The following CASZ1 variants were observed in gnomAD, a reference collection of about 807,000 sequenced individuals.
The protein encoded by CASZ1 is zinc finger protein castor homolog 1.
A neutral mutation model predicts 135.2 loss-of-function variants in CASZ1; 28 were observed. That is an observed-to-expected ratio of 0.21 (90% CI 0.15 to 0.28). The LOEUF (loss-of-function observed/expected upper bound fraction) is 0.28, where lower values mean the gene tolerates loss of function less well. Among genes scored for constraint, CASZ1 ranks in the 10% least tolerant of loss-of-function variants. The pLI is 1.00. For missense variants in CASZ1, 2,161 were observed against 2,453.3 expected, an observed-to-expected ratio of 0.88 and a Z score of 2.52; for synonymous variants, 1,068 against 1,073.4, an observed-to-expected ratio of 0.99 and a Z score of 0.10.
intron 4 of CASZ1, among the ~76,000 whole-genome samples, chr1:10,686,424 C>T (rs930622825): frequency 1.3e-5 from 2 of 152,216 alleles, no homozygotes; most frequent in African/African-American, 4.8e-5. Flanking sequence ...GCTTGTATCA[C>T]GCCCCCTCTC....
chr1:10,653,860 T>G lies in CASZ1; in HGVS notation c.2197A>C (p.Ser733Arg), dbSNP rs1165308565. 2 of 1,610,908 alleles carry G rather than the reference T, an allele frequency of 1.2e-6. No individual in the cohort carries two copies. Among genetic ancestry groups the G allele is most frequent in the South Asian group, 2.2e-5 (2 of 90,934 alleles). ...DDLVDFSALS[S>R]KNSSLSASPT... is the part of the protein sequence containing the mutation. ...GAGGCGCTCAGGCTGGAGTTCTTGC[T>G]GCTCAGGGCGGAGAAGTCAACAAGG... Residue 733 changes from serine (S) to arginine (R), a missense_variant, in exon 11 of 21, where the codon AGC becomes CGC. Physicochemically the swap from Ser to Arg is moderately radical, Grantham distance 110 (BLOSUM62 -1). Around this residue, in one of 7 missense-constraint regions of CASZ1, gnomAD observed 406 missense variants for 387.6 expected, o/e 1.05. Transcript: ENST00000377022.
intron 2 of CASZ1, among the ~76,000 whole-genome samples, chr1:10,715,197 T>C (rs1639355161): frequency 1.3e-5 from 2 of 152,202 alleles, no homozygotes; most frequent in African/African-American, 2.4e-5. Context: ...ACCTCCATCC[T>C]GTTTGAGGGG....
Position 10,666,154 on chromosome 1 carries a change from C to A in CASZ1, c.17-583G>T, listed in dbSNP as rs1245227309. Among the ~76,000 whole-genome samples, 1 of 152,188 alleles carries A rather than the reference C, an allele frequency of 6.6e-6. No individual in the cohort carries two copies. The highest frequency in any genetic ancestry group is 2.4e-5 in the African/African-American group (1 of 41,452). Reference sequence around the variant, plus strand: ...TGGCTGGCACCCTCCCACCCGAGCACGTCAGCCCCTGGCGGCTCCTCTGCC... The same window carrying A: ...TGGCTGGCACCCTCCCACCCGAGCAAGTCAGCCCCTGGCGGCTCCTCTGCC... On this transcript the variant is annotated intron_variant, in intron 4 of 20. Transcript: ENST00000377022. The surrounding 1 kb of genome is among the most constrained non-coding windows in gnomAD (Gnocchi z 5.2).
At chr1:10,732,003 T>A (rs900424557) in intron 2 of CASZ1, among the ~76,000 whole-genome samples, 1 of 152,170 alleles carries the variant, frequency 6.6e-6, no homozygotes, top group Non-Finnish European at 1.5e-5. Context: ...TCAGTTTTAA[T>A]GTCTTAATAT....
Position 10,647,958 on chromosome 1 carries a change from G to A in CASZ1, c.3340C>T (p.Pro1114Ser). Residue 1114 changes from proline (P) to serine (S), a missense_variant, in exon 16 of 21, where the codon CCC becomes TCC. Pro to Ser is a moderately conservative substitution (Grantham distance 74). Coordinates refer to ENST00000377022, the MANE Select transcript of CASZ1 (RefSeq NM_001079843.3). The surrounding 1 kb of genome is among the most constrained non-coding windows in gnomAD (Gnocchi z 4.9). ...APSPASVPST[P>S]TLLAWKQLAS... is the part of the protein sequence containing the mutation. ...AGCTGCTTCCAGGCGAGCAGGGTGG[G>A]GGTGGAGGGCACGGAGGCCGGGCTG... is the stretch of plus-strand genomic sequence containing the variant. 1.2e-6 allele frequency: 2 copies of A among 1,611,764 alleles called. No individual in the cohort carries two copies. The highest frequency in any genetic ancestry group is 1.7e-6 in the Non-Finnish European group (2 of 1,178,748).
intron 2 of CASZ1, among the ~76,000 whole-genome samples, chr1:10,715,249 T>A (rs1042528033): frequency 3.3e-5 from 5 of 152,140 alleles, no homozygotes; most frequent in African/African-American, 1.2e-4. Context: ...CTCGGCCATG[T>A]TTGGGGACAA....
chr1:10,642,739 C>G, intron 20 of CASZ1, 120 bp downstream of exon 20: 1 of 1,146,044 alleles, frequency 8.7e-7, no homozygotes, highest in Non-Finnish European at 1.2e-6. Flanking sequence ...CTCTGCTGCA[C>G]GCCAGCCTGT....
At position 10,726,845 on chromosome 1, in the gene CASZ1, G is replaced by T. The variant is rs1054260008; in HGVS notation, c.-76-21301C>A. Among the ~76,000 whole-genome samples the T allele has an allele frequency of 2.0e-5, 3 of 152,118 alleles. No homozygotes were observed. The highest frequency in any genetic ancestry group is 7.2e-5 in the African/African-American group (3 of 41,422). On this transcript the variant is annotated intron_variant, in intron 2 of 20. Transcript: ENST00000377022. The surrounding 1 kb of genome is among the most constrained non-coding windows in gnomAD (Gnocchi z 5.7). ...ATGGGGGTGTTCAGAGGCCCAGGGG[G>T]TCTTCCCTGGCCTGCTCCGTGTCCT...
chr1:10,754,759 T>G (rs1640217444), intron 2 of CASZ1, among the ~76,000 whole-genome samples: 1 of 152,232 alleles, frequency 6.6e-6, no homozygotes, highest in Non-Finnish European at 1.5e-5. Context: ...CCAGCTCAGC[T>G]GCTGGCAAAC....
chr1:10,641,147 AC>A lies in CASZ1; in HGVS notation c.4163-1089del, dbSNP rs1201019065. 3.3e-5 allele frequency among the ~76,000 whole-genome samples: 5 copies of A among 152,342 alleles called. No individual in the cohort carries two copies. The East Asian group carries it at 9.7e-4, about 29-fold the overall frequency. On this transcript the variant is annotated intron_variant, in intron 20 of 20. Transcript: ENST00000377022. ...CATTTCAGGCCAGGCCCCATAGGCC[AC>A]CCGGAGTGGACAAAAACGGAGAGAG...
At position 10,785,959 on chromosome 1, in the gene CASZ1, G is replaced by C. The variant is rs149302280; in HGVS notation, c.-234+10605C>G. On this transcript the variant is annotated intron_variant, in intron 1 of 20. Coordinates refer to ENST00000377022, the MANE Select transcript of CASZ1 (RefSeq NM_001079843.3). ...CCATTTTACAGATGCGGAAACAAAG[G>C]CTTCGAGGAATGAATCGTCCAAGTG... Among the ~76,000 whole-genome samples, 238 of 152,334 alleles carry C rather than the reference G, an allele frequency of 1.6e-3. 7 individuals carry two copies. The East Asian group carries it at 0.039, about 25-fold the overall frequency.
intron 3 of CASZ1, among the ~76,000 whole-genome samples, chr1:10,698,625 G>A (rs555627997): frequency 2.6e-5 from 4 of 152,306 alleles, no homozygotes; most frequent in African/African-American, 9.6e-5. Flanking sequence ...CTCCCCACCT[G>A]GAAGAGGCCC....
intron 5 of CASZ1, 61 bp from the exon 6 acceptor site, chr1:10,660,597 C>A: frequency 1.4e-6 from 2 of 1,473,380 alleles, no homozygotes; most frequent in Non-Finnish European, 1.8e-6. Context: ...AGGAGGTCCC[C>A]CCACTGGGGG....
rs1640628946 is a variant in CASZ1 at position 10,774,547 on chromosome 1, C to A, written c.-233-13690G>T. On this transcript the variant is annotated intron_variant, in intron 1 of 20. Coordinates refer to ENST00000377022, the MANE Select transcript of CASZ1 (RefSeq NM_001079843.3). The surrounding 1 kb of genome is among the most constrained non-coding windows in gnomAD (Gnocchi z 4.4). Reference sequence around the variant, plus strand: ...TTTAAGCCCCGTGATCCCAAGAAATCCCATCCATAGCCCCCCCGATCCAAA... The same window carrying A: ...TTTAAGCCCCGTGATCCCAAGAAATACCATCCATAGCCCCCCCGATCCAAA... 1.0e-5 allele frequency among the ~76,000 whole-genome samples: 1 copy of A among 99,138 alleles called. No individual in the cohort carries two copies. The highest frequency in any genetic ancestry group is 2.5e-5 in the Non-Finnish European group (1 of 40,676). The allele number at this position is 99,138 out of a possible 152,430, so 65.0% of individuals were successfully genotyped here.
intron 15 of CASZ1, chr1:10,648,358 A>G: frequency 2.1e-6 from 1 of 485,832 alleles, no homozygotes; most frequent in Admixed American, 3.8e-5. Context: ...CTTGGGCCTA[A>G]CCATGCCTTC....
At position 10,638,830 on chromosome 1, in the gene CASZ1, G is replaced by C; in HGVS notation, c.*112C>G. 1.1e-6 allele frequency: 1 copy of C among 944,976 alleles called. No individual in the cohort carries two copies. The highest frequency in any genetic ancestry group is 1.8e-5 in the African/African-American group (1 of 56,318). The allele number at this position is 944,976 out of a possible 1,614,324, so 58.5% of individuals were successfully genotyped here. ...GCCTCTGTCCTGAGACGGACTCGGGGTCCGGAAGCACCGGCGGGGCGCGGG... is the reference window on the plus strand; with the variant it reads ...GCCTCTGTCCTGAGACGGACTCGGGCTCCGGAAGCACCGGCGGGGCGCGGG... On this transcript the variant is annotated 3_prime_UTR_variant, in exon 21 of 21. Transcript: ENST00000377022. This position sits in a 1 kb window ranked among gnomAD's most constrained non-coding sequence, Gnocchi z 5.9.
At chr1:10,710,692 A>C (rs1639268319) in intron 2 of CASZ1, among the ~76,000 whole-genome samples, 1 of 152,206 alleles carries the variant, frequency 6.6e-6, no homozygotes, top group Non-Finnish European at 1.5e-5. Context: ...CAGAAAGACA[A>C]CACCTGCTCC....
chr1:10,733,439 G>A lies in CASZ1; in HGVS notation c.-77+27262C>T, dbSNP rs569146905. ...AGCACCCTACCAGGGCCACCTGCAC[G>A]CCTGTCCATCCCACACACTTCCCAA... On this transcript the variant is annotated intron_variant, in intron 2 of 20. Transcript: ENST00000377022. 6.6e-5 allele frequency among the ~76,000 whole-genome samples: 10 copies of A among 152,240 alleles called. No homozygotes were observed. The South Asian group carries it at 1.9e-3, about 28-fold the overall frequency.
chr1:10,639,110 CTCG>C lies in CASZ1; in HGVS notation c.5109_5111del (p.Asp1703del), dbSNP rs754122507. 308 of 1,148,506 alleles carry C rather than the reference CTCG, an allele frequency of 2.7e-4. No individual in the cohort carries two copies. The highest frequency in any genetic ancestry group is 1.9e-3 in the East Asian group (33 of 17,042). 71.1% of individuals were successfully genotyped at this position (1,148,506 alleles called of 1,614,324 possible). ...CGTCGTCGTCGTCCTCGTCGTCGTC[CTCG>C]TCGTCGTCGTCCTCGTCGTCGTCCT... is the stretch of plus-strand genomic sequence containing the variant. On this transcript the variant is annotated inframe_deletion, in exon 21 of 21. Transcript: ENST00000377022. The surrounding 1 kb of genome is among the most constrained non-coding windows in gnomAD (Gnocchi z 4.0).
Sources: gnomAD v4.1 joint callset for allele counts (sites outside exome capture counted in the v4.1 genomes callset) on GRCh38, gnomAD v4.1.1 for gene constraint, gnomAD v4.1.1 regional missense constraint, Gnocchi (gnomAD v3.1) non-coding constraint, MANE v1.5 for transcripts, NCBI Gene and HGNC (gene_info 2026-07-23, HGNC 2026-07-21) for gene names.